Variants in RARB observed in about 807,000 individuals in gnomAD.
RARB encodes HBV-activated protein.
A neutral mutation model predicts 51.9 loss-of-function variants in RARB; 17 were observed. That is an observed-to-expected ratio of 0.33 (90% CI 0.22 to 0.49). The LOEUF (loss-of-function observed/expected upper bound fraction) is 0.49, where lower values mean the gene tolerates loss of function less well. Among genes scored for constraint, RARB ranks in the 20% least tolerant of loss-of-function variants. The probability of loss-of-function intolerance (pLI) is 0.99; values close to 1 mark genes in which losing one functional copy is unlikely to be tolerated. For synonymous variants in RARB, 215 were observed against 195.4 expected, an observed-to-expected ratio of 1.10 and a Z score of -0.84; for missense variants, 369 against 550.8, an observed-to-expected ratio of 0.67 and a Z score of 3.30.
chr3:25,200,948 G>C (rs1036823073), intron 5 of RARB, among the ~76,000 whole-genome samples: 13 of 152,046 alleles, frequency 8.6e-5, no homozygotes, highest in Admixed American at 4.6e-4. Flanking sequence ...TCCATATGAA[G>C]TGTAAAGTAG....
chr3:25,256,556 C>T (rs1045249525), intron 5 of RARB, among the ~76,000 whole-genome samples: 1 of 152,072 alleles, frequency 6.6e-6, no homozygotes, highest in African/African-American at 2.4e-5. Context: ...AAACAAAACC[C>T]TGTGCTGCAA....
intron 5 of RARB, among the ~76,000 whole-genome samples, chr3:25,336,058 CA>C (rs1329611674): frequency 6.7e-6 from 1 of 149,200 alleles, no homozygotes; most frequent in Non-Finnish European, 1.5e-5. Context: ...AAGACACCCC[CA>C]CTGGGGAGGG....
At chr3:25,545,003 C>T (rs932072370) in intron 3 of RARB, among the ~76,000 whole-genome samples, 2 of 152,092 alleles carry the variant, frequency 1.3e-5, no homozygotes, top group Non-Finnish European at 2.9e-5. Context: ...GTTCTGTCGC[C>T]CAGGCTGGAG....
chr3:24,905,139 A>G (rs1694831342), intron 2 of RARB, among the ~76,000 whole-genome samples: 1 of 152,124 alleles, frequency 6.6e-6, no homozygotes, highest in Admixed American at 6.5e-5. Context: ...GTATAATAAA[A>G]ATAAAATAAC....
At chr3:25,200,153 T>G in intron 5 of RARB, among the ~76,000 whole-genome samples, 1 of 152,196 alleles carries the variant, frequency 6.6e-6, no homozygotes, top group Non-Finnish European at 1.5e-5. Context: ...TGGTGTGAGA[T>G]GGTATCTCAC....
At chr3:25,081,621 ATT>A (rs1168828068) in intron 3 of RARB, among the ~76,000 whole-genome samples, 3 of 5,802 alleles carry the variant, frequency 5.2e-4, no homozygotes, top group Non-Finnish European at 6.1e-4. Flanking sequence ...ATATATATAT[ATT>A]TTTTTTTTTT....
chr3:24,880,829 ATGT>A (rs1456244565), intron 2 of RARB, among the ~76,000 whole-genome samples: 2 of 152,202 alleles, frequency 1.3e-5, no homozygotes, highest in African/African-American at 2.4e-5. Context: ...TTCTATAAAA[ATGT>A]TGTGTTACTG....
intron 3 of RARB, among the ~76,000 whole-genome samples, chr3:25,106,468 G>GTTT (rs1239064966): frequency 1.8e-5 from 2 of 113,994 alleles, no homozygotes; most frequent in African/African-American, 7.3e-5. Flanking sequence ...GTTTTTTTTT[G>GTTT]TTTTGTTTTT....
intron 3 of RARB, among the ~76,000 whole-genome samples, chr3:25,128,450 A>C (rs909518737): frequency 1.1e-4 from 16 of 148,712 alleles, no homozygotes; most frequent in Non-Finnish European, 1.6e-4. Flanking sequence ...TATAATTTAT[A>C]TATTTCTAGT....
chr3:25,377,012 G>GTTTT (rs58538437), intron 5 of RARB, among the ~76,000 whole-genome samples: 6,105 of 151,742 alleles, frequency 0.04, 138 homozygotes, highest in Middle Eastern at 0.061. Flanking sequence ...CAATGTATTA[G>GTTTT]TTTAGTTTGT....
chr3:25,098,826 A>G (rs958483010), intron 3 of RARB, among the ~76,000 whole-genome samples: 2 of 152,178 alleles, frequency 1.3e-5, no homozygotes, highest in East Asian at 1.9e-4. Context: ...AACAAATCCA[A>G]TGTTAATGCC....
At chr3:25,242,337 T>C (rs1266569441) in intron 5 of RARB, among the ~76,000 whole-genome samples, 1 of 152,226 alleles carries the variant, frequency 6.6e-6, no homozygotes, top group Non-Finnish European at 1.5e-5. Flanking sequence ...ATTTTGGCTT[T>C]TGTTGACATT....
chr3:24,878,541 C>A (rs551741850), intron 2 of RARB, among the ~76,000 whole-genome samples: 3 of 152,114 alleles, frequency 2.0e-5, no homozygotes, highest in Non-Finnish European at 4.4e-5. Flanking sequence ...GCAGGACTCT[C>A]AACATTGGCA....
intron 2 of RARB, among the ~76,000 whole-genome samples, chr3:25,059,099 A>C (rs768902639): frequency 2.6e-4 from 40 of 151,820 alleles, no homozygotes; most frequent in South Asian, 6.2e-4. Context: ...ATTATTTTAC[A>C]ATCATTTTCC....
chr3:24,848,035 C>T (rs1189433939), intron 1 of RARB, among the ~76,000 whole-genome samples: 3 of 152,194 alleles, frequency 2.0e-5, no homozygotes, highest in Non-Finnish European at 2.9e-5. Context: ...AATACATCTC[C>T]ACTCCTCTGT....
intron 5 of RARB, among the ~76,000 whole-genome samples, chr3:25,222,528 A>G (rs1259847458): frequency 6.6e-6 from 1 of 152,184 alleles, no homozygotes; most frequent in East Asian, 1.9e-4. Context: ...AACTTACACA[A>G]TGATGCCACT....
Position 25,389,292 on chromosome 3 carries a change from T to C in RARB, c.179-71901T>C, listed in dbSNP as rs190899199. ...GATTATTCTGCTGCTTCTTTAGTGA[T>C]AGCATTAGTGTACATTGCTGTGGGT... On this transcript the variant is annotated intron_variant, in intron 5 of 11. Coordinates refer to the RARB transcript ENST00000383772. Among the ~76,000 whole-genome samples the C allele has an allele frequency of 5.9e-4, 90 of 152,296 alleles. 1 individual carries two copies. Among genetic ancestry groups the C allele is most frequent in the African/African-American group, 2.0e-3 (83 of 41,568 alleles).
At chr3:25,377,744 C>A (rs972416221) in intron 5 of RARB, among the ~76,000 whole-genome samples, 1 of 152,102 alleles carries the variant, frequency 6.6e-6, no homozygotes, top group Non-Finnish European at 1.5e-5. Flanking sequence ...GTTTGAGTTA[C>A]CCGTGAGAGA....
intron 3 of RARB, among the ~76,000 whole-genome samples, chr3:25,111,582 G>GTT (rs1236764385): frequency 1.2e-5 from 1 of 86,640 alleles, no homozygotes; most frequent in Admixed American, 1.6e-4. Context: ...TTCTAACAGT[G>GTT]GTTTTTTTTT....
Sources: gnomAD v4.1 joint callset for allele counts (sites outside exome capture counted in the v4.1 genomes callset) on GRCh38, gnomAD v4.1.1 for gene constraint, MANE v1.5 for transcripts, NCBI Gene and HGNC (gene_info 2026-07-23, HGNC 2026-07-21) for gene names.